Variants in MASTL observed in about 807,000 individuals in gnomAD.
The protein encoded by MASTL is serine/threonine-protein kinase greatwall.
A neutral mutation model predicts 82.5 loss-of-function variants in MASTL; 54 were observed. The ratio of observed to expected loss-of-function variants is 0.65; its 90% CI spans 0.53 to 0.82. MASTL has a LOEUF of 0.82. Ranked by LOEUF, MASTL falls within the 40% of genes least tolerant of loss-of-function variation. The probability of loss-of-function intolerance (pLI) is 0.00; values close to 1 mark genes in which losing one functional copy is unlikely to be tolerated. For missense variants in MASTL, 950 were observed against 1,047.8 expected (o/e 0.91, Z 1.29); for synonymous variants, 323 against 368.9 (o/e 0.88, Z 1.43).
intron 7 of MASTL, among the ~76,000 whole-genome samples, chr10:27,168,766 G>C (rs144893148): frequency 0.01 from 1,569 of 152,116 alleles, 8 homozygotes; most frequent in Non-Finnish European, 0.017. Flanking sequence ...GCAGTGAGCG[G>C]ACATCATGCC....
Position 27,165,511 on chromosome 10 carries a change from G to A in MASTL, c.783G>A (p.Thr261=), listed in dbSNP as rs748512474. ...TGTCTGTAGATCAAAAGGACACTAC[G>A]CCTTATTCTAGCAAATTACTAAAAT... ...CPMSVDQKDT[T]PYSSKLLKSC... is the part of the protein sequence containing the mutation. Residue 261 remains threonine, a synonymous_variant, in exon 6 of 12, where the codon ACG becomes ACA. Transcript: ENST00000375940. 9 of 1,613,946 alleles carry A rather than the reference G, an allele frequency of 5.6e-6. No homozygotes were observed. The highest frequency in any genetic ancestry group is 5.0e-5 in the Admixed American group (3 of 59,994).
At position 27,155,374 on chromosome 10, in the gene MASTL, G is replaced by A. The variant is rs3824593; in HGVS notation, c.-53G>A. 922,570 of 1,531,026 alleles carry A rather than the reference G, an allele frequency of 0.6. 287,460 individuals are homozygous for A. Among genetic ancestry groups the A allele is most frequent in the Non-Finnish European group, 0.65 (733,033 of 1,133,914 alleles). The allele number at this position is 1,531,026 out of a possible 1,614,324, so 94.8% of individuals were successfully genotyped here. A position where few individuals can be genotyped will look rare whatever the true frequency, so the allele number is the denominator to read the frequency against. On this transcript the variant is annotated 5_prime_UTR_variant, in exon 1 of 12. The change creates a new upstream start codon in the 5' untranslated region. Transcript: ENST00000375940. ...CTCACTTTGAACCCAGTTGGCGGGA[G>A]TGGCTGCTCGCGGAGGGGCAGTGTC...
chr10:27,177,106 C>T (rs1248858023), intron 9 of MASTL, among the ~76,000 whole-genome samples: 1 of 152,108 alleles, frequency 6.6e-6, no homozygotes, highest in Non-Finnish European at 1.5e-5. Context: ...TTCAGCCTCC[C>T]AAAGTGCTGG....
intron 8 of MASTL, among the ~76,000 whole-genome samples, chr10:27,172,594 T>C (rs2057984689): frequency 6.6e-6 from 1 of 151,876 alleles, no homozygotes; most frequent in Admixed American, 6.6e-5. Context: ...GCGGAGGTTG[T>C]GGTGAGCCGA....
In MASTL at chr10:27,159,510, C is replaced by A; in HGVS notation, c.325-109C>A. On this transcript the variant is annotated intron_variant, in intron 2 of 11. Transcript: ENST00000375940. This position sits in a 1 kb window ranked among gnomAD's most constrained non-coding sequence, Gnocchi z 4.0. ...ATTACGAGTAATAGCAAGAAAAGGT[C>A]GTTTCATTACAGAGCCATGCCAAAT... 1 of 713,184 alleles carries A rather than the reference C, an allele frequency of 1.4e-6. No homozygotes were observed. Among genetic ancestry groups the A allele is most frequent in the South Asian group, 1.7e-5 (1 of 59,002 alleles). The allele number at this position is 713,184 out of a possible 1,614,324, so 44.2% of individuals were successfully genotyped here.
intron 9 of MASTL, among the ~76,000 whole-genome samples, chr10:27,173,860 T>C (rs1042275348): frequency 6.6e-6 from 1 of 151,944 alleles, no homozygotes; most frequent in African/African-American, 2.4e-5. Context: ...ATTACAGGCG[T>C]GAGCCACCGT....
chr10:27,179,842 G>A lies in MASTL; in HGVS notation c.2267-1111G>A, dbSNP rs144393554. On this transcript the variant is annotated intron_variant, in intron 9 of 11. Transcript: ENST00000375940. ...TATCTCATACCTTGTGTGGGATACA[G>A]AATAATCATGTAAATGTTTACATTT... Among the ~76,000 whole-genome samples the A allele has an allele frequency of 1.5e-4, 23 of 152,256 alleles. No individual in the cohort carries two copies. The East Asian group carries it at 2.9e-3, about 19-fold the overall frequency.
At chr10:27,160,699 C>T (rs1366058944) in intron 3 of MASTL, among the ~76,000 whole-genome samples, 4 of 150,218 alleles carry the variant, frequency 2.7e-5, no homozygotes, top group Admixed American at 6.7e-5. Flanking sequence ...TGCAGTGAGC[C>T]GAGATTGTGC....
At chr10:27,177,266 G>A (rs1024953877) in intron 9 of MASTL, among the ~76,000 whole-genome samples, 2 of 152,072 alleles carry the variant, frequency 1.3e-5, no homozygotes, top group African/African-American at 2.4e-5. Flanking sequence ...CCTCTTTCTC[G>A]CTTAGCCAAA....
intron 9 of MASTL, among the ~76,000 whole-genome samples, chr10:27,175,151 T>C (rs528693614): frequency 6.7e-6 from 1 of 150,360 alleles, no homozygotes; most frequent in African/African-American, 2.4e-5. Flanking sequence ...ATCATCTCAC[T>C]ATTTAACTGA....
chr10:27,171,021 A>AGT lies in MASTL; in HGVS notation c.2064_2065dup (p.Gly689ValfsTer8). The AGT allele has an allele frequency of 3.7e-6, 6 of 1,614,160 alleles. No homozygotes were observed. Among genetic ancestry groups the AGT allele is most frequent in the Non-Finnish European group, 4.2e-6 (5 of 1,180,000 alleles). On this transcript the variant is annotated frameshift_variant, in exon 8 of 12. Coordinates refer to ENST00000375940, the MANE Select transcript of MASTL (RefSeq NM_001172303.3). LOFTEE classifies it high-confidence loss of function. ...TGCAATGGATATTTCGTGTGCCTACAGTGGTTCATATCCCATGGCTATAAC... is the reference window on the plus strand; with the variant it reads ...TGCAATGGATATTTCGTGTGCCTACAGTGTGGTTCATATCCCATGGCTATAAC...
chr10:27,168,001 A>T (rs1224275123), intron 7 of MASTL, among the ~76,000 whole-genome samples: 5 of 152,224 alleles, frequency 3.3e-5, no homozygotes, highest in African/African-American at 1.2e-4. Flanking sequence ...GGTAGGAACT[A>T]AAATTTAAAA....
rs568771936 is a variant in MASTL, at chr10:27,170,215, G to C, written c.1256G>C (p.Gly419Ala). ...INMDTDTSQLGFHQSNQWAVD... is the reference protein window; with the variant it reads ...INMDTDTSQLAFHQSNQWAVD... ...ATGGACACTGACACAAGTCAGTTAGGTTTCCATCAGTCAAATCAGTGGGCT... is the reference window on the plus strand; with the variant it reads ...ATGGACACTGACACAAGTCAGTTAGCTTTCCATCAGTCAAATCAGTGGGCT... The change falls in exon 8 of 12, where the codon GGT becomes GCT. Residue 419 changes from glycine to alanine, a missense_variant. Coordinates refer to ENST00000375940, the MANE Select transcript of MASTL (RefSeq NM_001172303.3). 1 of 1,614,094 alleles carries C rather than the reference G, an allele frequency of 6.2e-7. No homozygotes were observed. Among genetic ancestry groups the C allele is most frequent in the South Asian group, 1.1e-5 (1 of 91,078 alleles).
intron 11 of MASTL, among the ~76,000 whole-genome samples, chr10:27,181,796 C>T (rs999630031): frequency 3.3e-5 from 5 of 151,892 alleles, no homozygotes; most frequent in Non-Finnish European, 5.9e-5. Flanking sequence ...AAAAATTGGC[C>T]GGGTGTGGTG....
intron 11 of MASTL, among the ~76,000 whole-genome samples, chr10:27,182,410 A>G (rs1176818617): frequency 6.6e-6 from 1 of 152,082 alleles, no homozygotes; most frequent in East Asian, 1.9e-4. Flanking sequence ...AGAGGCAAAA[A>G]AAATTTAGTG....
intron 11 of MASTL, among the ~76,000 whole-genome samples, chr10:27,183,171 G>A (rs2058424490): frequency 6.6e-6 from 1 of 152,100 alleles, no homozygotes; most frequent in Non-Finnish European, 1.5e-5. Context: ...GACAAACTTG[G>A]TATATTATAT....
At chr10:27,158,185 G>A (rs201999273) in intron 1 of MASTL, among the ~76,000 whole-genome samples, 1 of 152,080 alleles carries the variant, frequency 6.6e-6, no homozygotes, top group Admixed American at 6.6e-5. Context: ...CTCTGTTAGC[G>A]TTTTCATGAT....
At position 27,159,837 on chromosome 10, in the gene MASTL, T is replaced by A; in HGVS notation, c.464+79T>A. 8.3e-7 allele frequency: 1 copy of A among 1,211,102 alleles called. No homozygotes were observed. Among genetic ancestry groups the A allele is most frequent in the Non-Finnish European group, 1.2e-6 (1 of 821,676 alleles). The allele number at this position is 1,211,102 out of a possible 1,614,324, so 75.0% of individuals were successfully genotyped here. A position where few individuals can be genotyped will look rare whatever the true frequency, so the allele number is the denominator to read the frequency against. On this transcript the variant is annotated intron_variant, in intron 3 of 11. Coordinates refer to ENST00000375940, the MANE Select transcript of MASTL (RefSeq NM_001172303.3). The surrounding 1 kb of genome is among the most constrained non-coding windows in gnomAD (Gnocchi z 4.0). Reference sequence around the variant, plus strand: ...ATATTTGAGTCTCAGATATTCACAGTAACCACTTGCACTTATTTCCAGGTT... The same window carrying A: ...ATATTTGAGTCTCAGATATTCACAGAAACCACTTGCACTTATTTCCAGGTT...
In MASTL at chr10:27,186,428, G is replaced by C. The variant is rs1564514968; in HGVS notation, c.2532G>C (p.Gln844His). 6.2e-7 allele frequency: 1 copy of C among 1,614,078 alleles called. No homozygotes were observed. The highest frequency in any genetic ancestry group is 1.7e-5 in the Admixed American group (1 of 60,008). The change falls in exon 12 of 12, where the codon CAG (glutamine) becomes CAC (histidine). Residue 844 changes from glutamine to histidine, a missense_variant. Physicochemically the swap from Gln to His is conservative, Grantham distance 24 (BLOSUM62 0). Coordinates refer to ENST00000375940, the MANE Select transcript of MASTL (RefSeq NM_001172303.3). ...GTGATGTGGACTGGGAAAATCTGCAGCATCAGACTATGCCTTTCATCCCCC... is the reference window on the plus strand; with the variant it reads ...GTGATGTGGACTGGGAAAATCTGCACCATCAGACTATGCCTTTCATCCCCC... ...LFSDVDWENLQHQTMPFIPQP... is the reference protein window; with the variant it reads ...LFSDVDWENLHHQTMPFIPQP...
Sources: gnomAD v4.1 joint callset for allele counts (sites outside exome capture counted in the v4.1 genomes callset) on GRCh38, gnomAD v4.1.1 for gene constraint, Gnocchi (gnomAD v3.1) non-coding constraint, MANE v1.5 for transcripts, NCBI Gene and HGNC (gene_info 2026-07-23, HGNC 2026-07-21) for gene names.